Variants in ZNF514 observed in about 807,000 individuals in gnomAD.
ZNF514 encodes the protein zinc finger protein 514.
A neutral mutation model predicts 9.7 loss-of-function variants in ZNF514; 12 were observed. That is an observed-to-expected ratio of 1.24 (90% CI 0.79 to 2.01). The LOEUF is 2.01. Ranked by LOEUF, ZNF514 falls within the 30% of genes most tolerant of loss-of-function variation. The pLI, the probability that ZNF514 is intolerant of heterozygous loss-of-function variation, is 0.00. For synonymous variants in ZNF514, 158 were observed against 163.7 expected (o/e 0.97, Z 0.27); for missense variants, 467 against 465.5 (o/e 1.00, Z -0.03).
At chr2:95,157,305 T>C (rs761060302) in intron 2 of ZNF514, 46 bp downstream of exon 2, 3 of 1,216,438 alleles carry the variant, frequency 2.5e-6, no homozygotes. Context: ...TAGGCAAAGC[T>C]AACCATCGTT....
At chr2:95,137,429 T>C in the ZNF514 span, among the ~76,000 whole-genome samples, 1 of 152,356 alleles carries the variant, frequency 6.6e-6, no homozygotes, top group South Asian at 2.1e-4. Flanking sequence ...TTATGGTACA[T>C]ATGACTGTTA....
the ZNF514 span, among the ~76,000 whole-genome samples, chr2:95,138,857 T>C: frequency 2.0e-5 from 3 of 152,310 alleles, no homozygotes; most frequent in Admixed American, 6.5e-5. Flanking sequence ...TCAGAGACCA[T>C]TGTGGCAGCC....
At chr2:95,142,619 G>A (rs1221433376), downstream of ZNF514, among the ~76,000 whole-genome samples, 1 of 152,088 alleles carries the variant, frequency 6.6e-6, no homozygotes, top group African/African-American at 2.4e-5. Context: ...CCCAGATTAA[G>A]GAATAGTATT....
At chr2:95,154,580 A>G (rs1673638742) in intron 2 of ZNF514, 1 of 152,244 alleles carries the variant, frequency 6.6e-6, no homozygotes, top group East Asian at 1.9e-4. Context: ...TGATGTTATG[A>G]GAAGAGGCTG....
chr2:95,141,939 T>G (rs1387178708), downstream of ZNF514, among the ~76,000 whole-genome samples: 1 of 152,228 alleles, frequency 6.6e-6, no homozygotes, highest in Non-Finnish European at 1.5e-5. Context: ...TCTTGAATAG[T>G]AGATAGCCTC....
downstream of ZNF514, among the ~76,000 whole-genome samples, chr2:95,143,133 T>C (rs1673285800): frequency 6.6e-6 from 1 of 152,192 alleles, no homozygotes; most frequent in South Asian, 2.1e-4. Flanking sequence ...CCTGGTACAG[T>C]TTACTACAGA....
downstream of ZNF514, among the ~76,000 whole-genome samples, chr2:95,144,547 T>G (rs566544746): frequency 2.4e-4 from 36 of 152,328 alleles, no homozygotes; most frequent in African/African-American, 7.7e-4. Context: ...AACATGCTGC[T>G]GGGGAGACAG....
At chr2:95,157,178 G>A (rs887821507) in intron 2 of ZNF514, among the ~76,000 whole-genome samples, 173 bp downstream of exon 2, 2 of 152,166 alleles carry the variant, frequency 1.3e-5, no homozygotes, top group African/African-American at 4.8e-5. Context: ...ACAGCAAGAA[G>A]AGAACACCCC....
the ZNF514 span, among the ~76,000 whole-genome samples, chr2:95,136,612 G>C: frequency 8.0e-6 from 1 of 125,426 alleles, no homozygotes; most frequent in Non-Finnish European, 1.7e-5. Flanking sequence ...CCATTCTCCT[G>C]CTCCTAACAG....
At chr2:95,158,876 C>A in intron 1 of ZNF514, 1 of 1,289,768 alleles carries the variant, frequency 7.8e-7, no homozygotes, top group Non-Finnish European at 1.0e-6. Flanking sequence ...GTGGGATTCC[C>A]CGGCCTCTTC....
chr2:95,134,147 G>T, the ZNF514 span, among the ~76,000 whole-genome samples: 2 of 152,070 alleles, frequency 1.3e-5, no homozygotes, highest in East Asian at 1.9e-4. Flanking sequence ...TTTTTATTGG[G>T]AGTTGATAGC....
At position 95,147,045 on chromosome 2, in the gene ZNF514, C is replaced by T. The variant is rs1673377924; in HGVS notation, c.*2237G>A. Among the ~76,000 whole-genome samples, 1 of 152,120 alleles carries T rather than the reference C, an allele frequency of 6.6e-6. No individual in the cohort carries two copies. The highest frequency in any genetic ancestry group is 1.5e-5 in the Non-Finnish European group (1 of 68,030). ...CCCTGAATTCTGGGCTCAACTTCCT[C>T]ATCTGGACTTTAAATGCTTAAAGTA... On this transcript the variant is annotated 3_prime_UTR_variant, in exon 5 of 5. Transcript: ENST00000295208.
downstream of ZNF514, among the ~76,000 whole-genome samples, chr2:95,140,910 G>A (rs1439255256): frequency 6.6e-5 from 10 of 151,814 alleles, no homozygotes; most frequent in South Asian, 2.1e-4. Flanking sequence ...GGGAGGTGGC[G>A]GTGGCAGTGA....
chr2:95,159,265 C>CTTTTTTA lies in ZNF514; in HGVS notation c.-122_-121insTAAAAAA. Reference sequence around the variant, plus strand: ...CCCCGGCTCGGCTCCTCCTCAGGACCAGGCTCTGGAACCCAGCTCCCACGT... The same window carrying CTTTTTTA: ...CCCCGGCTCGGCTCCTCCTCAGGACCTTTTTTAAGGCTCTGGAACCCAGCTCCCACGT... On this transcript the variant is annotated 5_prime_UTR_variant, in exon 1 of 5. Transcript: ENST00000295208. 2.7e-5 allele frequency: 5 copies of CTTTTTTA among 184,500 alleles called. No homozygotes were observed. Among genetic ancestry groups the CTTTTTTA allele is most frequent in the South Asian group, 8.9e-5 (1 of 11,194 alleles). 11.4% of individuals were successfully genotyped at this position (184,500 alleles called of 1,614,324 possible).
chr2:95,142,336 A>C (rs1673255856), downstream of ZNF514, among the ~76,000 whole-genome samples: 1 of 152,168 alleles, frequency 6.6e-6, no homozygotes, highest in South Asian at 2.1e-4. Flanking sequence ...TGGTTTTACT[A>C]GTGTCCTTCT....
the ZNF514 span, among the ~76,000 whole-genome samples, chr2:95,133,285 GACA>G: frequency 6.6e-6 from 1 of 152,128 alleles, no homozygotes; most frequent in African/African-American, 2.4e-5. Context: ...AGTGAGCTGC[GACA>G]ACACCACTGC....
Position 95,152,676 on chromosome 2 carries a change from G to C in ZNF514, c.215C>G (p.Ser72Ter). The C allele has an allele frequency of 6.2e-7, 1 of 1,613,920 alleles. No individual in the cohort carries two copies. The highest frequency in any genetic ancestry group is 8.5e-7 in the Non-Finnish European group (1 of 1,179,822). Residue 72 changes from serine (S) to a stop codon, truncating the protein, a stop_gained and splice_region_variant, in exon 4 of 5, where the codon TCA (serine) becomes TGA (stop). Coordinates refer to ENST00000295208, the MANE Select transcript of ZNF514 (RefSeq NM_032788.3). LOFTEE classifies it low-confidence loss of function (END_TRUNC). ...VEREISTGAHSDWKRRSKSKE... is the reference protein window; with the variant it reads ...VEREISTGAH ...AATGCTTTCACTCACTCACTCACCT[G>C]AGTGGGCTCCTGTTGAGATTTCTCT...
chr2:95,159,689 GT>G lies in ZNF514; in HGVS notation c.-546del, dbSNP rs1351901725. 4.9e-5 allele frequency: 3 copies of G among 60,698 alleles called. No individual in the cohort carries two copies. Among genetic ancestry groups the G allele is most frequent in the Admixed American group, 3.8e-4 (2 of 5,324 alleles). The allele number at this position is 60,698 out of a possible 1,614,324, so 3.8% of individuals were successfully genotyped here. A position where few individuals can be genotyped will look rare whatever the true frequency, so the allele number is the denominator to read the frequency against. Reference sequence around the variant, plus strand: ...CCCGCCACCCCGCGCCAGCCCCCGCGTCCGCCCCGCGCCAGCCCCCGCGTCC... The same window carrying G: ...CCCGCCACCCCGCGCCAGCCCCCGCGCCGCCCCGCGCCAGCCCCCGCGTCC... On this transcript the variant is annotated 5_prime_UTR_variant, in exon 1 of 5. Transcript: ENST00000295208.
chr2:95,153,828 A>C (rs1232065599), intron 2 of ZNF514: 1 of 152,208 alleles, frequency 6.6e-6, no homozygotes, highest in Non-Finnish European at 1.5e-5. Context: ...CAATCTCAGT[A>C]ATTAGAACAC....
Sources: allele counts gnomAD v4.1 joint callset (sites outside exome capture counted in the v4.1 genomes callset), GRCh38; gene constraint gnomAD v4.1.1; transcripts MANE v1.5; gene names NCBI Gene and HGNC (gene_info 2026-07-23, HGNC 2026-07-21).